The following PLPP1 variants were observed in gnomAD, a reference collection of about 807,000 sequenced individuals.
The protein encoded by PLPP1 is phospholipid phosphatase 1.
A neutral mutation model predicts 31.2 loss-of-function variants in PLPP1; 24 were observed. The ratio of observed to expected loss-of-function variants is 0.77; its 90% confidence interval spans 0.56 to 1.08. The LOEUF (loss-of-function observed/expected upper bound fraction) is 1.08, where lower values mean the gene tolerates loss of function less well. Ranked by LOEUF, PLPP1 falls within the 50% of genes least tolerant of loss-of-function variation. The pLI, the probability that PLPP1 is intolerant of heterozygous loss-of-function variation, is 0.00. For synonymous variants in PLPP1, 146 were observed against 126.3 expected, an observed-to-expected ratio of 1.16 and a Z score of -1.05; for missense variants, 319 against 342.7, an observed-to-expected ratio of 0.93 and a Z score of 0.55.
chr5:55,493,558 C>T (rs1011387336), intron 1 of PLPP1, among the ~76,000 whole-genome samples: 10 of 151,856 alleles, frequency 6.6e-5, no homozygotes, highest in African/African-American at 2.4e-4. Flanking sequence ...TTCTGGGCAA[C>T]ACAGCAAGAC....
chr5:55,484,062 G>A (rs572171317), intron 1 of PLPP1, among the ~76,000 whole-genome samples: 1 of 152,164 alleles, frequency 6.6e-6, no homozygotes, highest in South Asian at 2.1e-4. Flanking sequence ...TTCTCAACTA[G>A]GCCTCAACCT....
intron 3 of PLPP1, among the ~76,000 whole-genome samples, chr5:55,456,079 G>T (rs2111750814): frequency 6.6e-6 from 1 of 152,150 alleles, no homozygotes; most frequent in African/African-American, 2.4e-5. Context: ...ATAACTGGAT[G>T]TTCTAATATT....
intron 4 of PLPP1, among the ~76,000 whole-genome samples, chr5:55,436,638 A>C (rs1362363578): frequency 6.6e-6 from 1 of 152,228 alleles, no homozygotes; most frequent in African/African-American, 2.4e-5. Context: ...ATAGTTTTAT[A>C]AAGTGCACAA....
chr5:55,512,552 GAAAGAAAGAAAGAAAGAAAGA>G (rs1753454854), intron 1 of PLPP1, among the ~76,000 whole-genome samples: 2 of 120,084 alleles, frequency 1.7e-5, no homozygotes, highest in African/African-American at 6.0e-5. Context: ...AAGAAAGAAA[GAAAGAAAGAAAGAAAGAAAGA>G]AAGGTAACAT....
At position 55,534,598 on chromosome 5, in the gene PLPP1, G is replaced by A. The variant is rs750665277; in HGVS notation, c.32C>T (p.Ala11Val). 17 of 1,557,928 alleles carry A rather than the reference G, an allele frequency of 1.1e-5. No homozygotes were observed. The highest frequency in any genetic ancestry group is 1.8e-4 in the Middle Eastern group (1 of 5,606). ...CAGCAACACGCAGAGCACATCGAGG[G>A]CCACGTACGGCAGCCGCGTCTTGTC... is the stretch of plus-strand genomic sequence containing the variant. MFDKTRLPYV[A>V]LDVLCVLLAG... is the part of the protein sequence containing the mutation. The change falls in exon 1 of 6, where the codon GCC (alanine) becomes GTC (valine). Residue 11 changes from alanine (A) to valine (V), a missense_variant. Transcript: ENST00000307259.
At chr5:55,433,637 G>C (rs13171581) in intron 4 of PLPP1, among the ~76,000 whole-genome samples, 129,765 of 145,896 alleles carry the variant, frequency 0.89, 57,868 homozygotes, top group Admixed American at 0.92. Flanking sequence ...GTAGCTGGGA[G>C]TACAGGCGCG....
chr5:55,507,982 T>C (rs1396467117), intron 1 of PLPP1, among the ~76,000 whole-genome samples: 1 of 152,032 alleles, frequency 6.6e-6, no homozygotes, highest in Non-Finnish European at 1.5e-5. Context: ...CTCAGCCTCC[T>C]GGAGACCTGA....
intron 1 of PLPP1, chr5:55,530,239 A>C: frequency 6.8e-7 from 1 of 1,462,768 alleles, no homozygotes; most frequent in Admixed American, 1.7e-5. Flanking sequence ...AATTCTCCAT[A>C]ATCAAACTGA....
In PLPP1 at chr5:55,534,717, C is replaced by G. The variant is rs940862075; in HGVS notation, c.-88G>C. 458 of 1,367,586 alleles carry G rather than the reference C, an allele frequency of 3.3e-4. 1 individual carries two copies. The Middle Eastern group carries it at 4.5e-3, about 13-fold the overall frequency. 84.7% of individuals were successfully genotyped at this position (1,367,586 alleles called of 1,614,324 possible). ...CTTGATTCTCGAGCCCGGGCCGGGG[C>G]TGGCGACGGCCCCGAGCTACGGCCC... On this transcript the variant is annotated 5_prime_UTR_variant, in exon 1 of 6. Coordinates refer to ENST00000307259, the MANE Select transcript of PLPP1 (RefSeq NM_003711.4).
At chr5:55,472,678 G>A (rs1018095990) in intron 2 of PLPP1, among the ~76,000 whole-genome samples, 3 of 150,236 alleles carry the variant, frequency 2.0e-5, no homozygotes, top group African/African-American at 7.4e-5. Context: ...GACAGAAAGA[G>A]AGAGATAAAG....
At chr5:55,521,066 G>A (rs1304472731) in intron 1 of PLPP1, among the ~76,000 whole-genome samples, 2 of 151,902 alleles carry the variant, frequency 1.3e-5, no homozygotes, top group Non-Finnish European at 2.9e-5. Context: ...TCAAAAATTA[G>A]CCGGAGCTGG....
At chr5:55,482,213 C>G (rs1236046408) in intron 1 of PLPP1, among the ~76,000 whole-genome samples, 2 of 150,430 alleles carry the variant, frequency 1.3e-5, no homozygotes, top group African/African-American at 2.4e-5. Context: ...GACACACACA[C>G]ACACACACAC....
At chr5:55,473,438 T>C (rs62361703) in intron 2 of PLPP1, among the ~76,000 whole-genome samples, 1 of 152,182 alleles carries the variant, frequency 6.6e-6, no homozygotes, top group Non-Finnish European at 1.5e-5. Flanking sequence ...CAAATATCTA[T>C]ATACAAAGGT....
At chr5:55,458,607 G>A (rs753962260) in intron 3 of PLPP1, among the ~76,000 whole-genome samples, 7 of 152,166 alleles carry the variant, frequency 4.6e-5, no homozygotes, top group Middle Eastern at 6.8e-3. Context: ...ACATAGCAAG[G>A]CTGGGCGTGG....
At chr5:55,490,364 G>A (rs992973844) in intron 1 of PLPP1, among the ~76,000 whole-genome samples, 4 of 151,778 alleles carry the variant, frequency 2.6e-5, no homozygotes, top group African/African-American at 4.8e-5. Flanking sequence ...TGGTCAGGCT[G>A]GTCTCGAACT....
chr5:55,530,834 C>CGGGGCAGTA, intron 1 of PLPP1: 1 of 1,262,390 alleles, frequency 7.9e-7, no homozygotes, highest in Non-Finnish European at 1.2e-6. Flanking sequence ...TCCTGACAGA[C>CGGGGCAGTA]GGGGCAGTAG....
intron 1 of PLPP1, among the ~76,000 whole-genome samples, chr5:55,508,233 A>G (rs941728287): frequency 6.6e-6 from 1 of 152,160 alleles, no homozygotes; most frequent in Admixed American, 6.5e-5. Flanking sequence ...TACTCTCCAC[A>G]GCTATACAAA....
chr5:55,506,806 C>G (rs961805699), intron 1 of PLPP1, among the ~76,000 whole-genome samples: 68 of 152,162 alleles, frequency 4.5e-4, no homozygotes, highest in African/African-American at 1.6e-3. Flanking sequence ...TTCCATGAAC[C>G]CTTTCATTTT....
chr5:55,468,484 G>A (rs1752352454), intron 2 of PLPP1, among the ~76,000 whole-genome samples: 1 of 151,950 alleles, frequency 6.6e-6, no homozygotes, highest in Non-Finnish European at 1.5e-5. Flanking sequence ...TATCCTGGAG[G>A]ACAAAAACTA....
Sources: gnomAD v4.1 joint callset for allele counts (sites outside exome capture counted in the v4.1 genomes callset) on GRCh38, gnomAD v4.1.1 for gene constraint, MANE v1.5 for transcripts, NCBI Gene and HGNC (gene_info 2026-07-23, HGNC 2026-07-21) for gene names.